Variants in C5orf15 observed in about 807,000 individuals in gnomAD.
C5orf15 encodes the protein keratinocyte-associated transmembrane protein 2.
C5orf15 carries 10 observed loss-of-function variants against 17.8 expected under a neutral mutation model. That is an observed-to-expected ratio of 0.56 (90% CI 0.35 to 0.95). The LOEUF (loss-of-function observed/expected upper bound fraction) is 0.95, where lower values mean the gene tolerates loss of function less well. C5orf15 is among the 40% of genes least tolerant of loss of function. The pLI is 0.02. For synonymous variants in C5orf15, 124 were observed against 131.0 expected, an observed-to-expected ratio of 0.95 and a Z score of 0.36; for missense variants, 319 against 331.7, an observed-to-expected ratio of 0.96 and a Z score of 0.30.
rs117361331 is a variant in C5orf15, at chr5:133,962,752, C to T, written c.140-2732G>A. On this transcript the variant is annotated intron_variant, in intron 1 of 2. Transcript: ENST00000231512. ...CATGCATTCTACTTGCTGGCAAGACCTCCTATCCTTCCAGTTCATTCCCTG... is the reference window on the plus strand; with the variant it reads ...CATGCATTCTACTTGCTGGCAAGACTTCCTATCCTTCCAGTTCATTCCCTG... Among the ~76,000 whole-genome samples the T allele has an allele frequency of 2.0e-4, 31 of 152,252 alleles. No individual in the cohort carries two copies. The East Asian group carries it at 6.0e-3, about 29-fold the overall frequency.
chr5:133,962,106 T>C (rs567710306), intron 1 of C5orf15, among the ~76,000 whole-genome samples: 1 of 152,190 alleles, frequency 6.6e-6, no homozygotes, highest in South Asian at 2.1e-4. Flanking sequence ...ACAAAAAACA[T>C]GTTTTAAAAT....
chr5:133,967,085 C>T (rs1752203273), intron 1 of C5orf15, among the ~76,000 whole-genome samples: 1 of 152,182 alleles, frequency 6.6e-6, no homozygotes, highest in South Asian at 2.1e-4. Flanking sequence ...AGCATTCCAG[C>T]AGGAAATATA....
At chr5:133,961,558 A>AG (rs1409593007) in intron 1 of C5orf15, among the ~76,000 whole-genome samples, 2 of 151,416 alleles carry the variant, frequency 1.3e-5, no homozygotes, top group African/African-American at 4.8e-5. Context: ...AAAAAAAAAA[A>AG]AAAAACCAAT....
chr5:133,966,762 T>C (rs751175655), intron 1 of C5orf15, among the ~76,000 whole-genome samples: 1 of 152,238 alleles, frequency 6.6e-6, no homozygotes, highest in Non-Finnish European at 1.5e-5. Context: ...CAAGCTACAC[T>C]GTAGTGCAGT....
intron 1 of C5orf15, among the ~76,000 whole-genome samples, chr5:133,962,370 C>T (rs1030762168): frequency 6.6e-6 from 1 of 152,164 alleles, no homozygotes; most frequent in Non-Finnish European, 1.5e-5. Context: ...TAAGTAATAG[C>T]TGTTTTTTCT....
At chr5:133,967,775 T>G (rs1005758474) in intron 1 of C5orf15, among the ~76,000 whole-genome samples, 1 of 152,138 alleles carries the variant, frequency 6.6e-6, no homozygotes, top group Non-Finnish European at 1.5e-5. Flanking sequence ...GCCCCAGTAC[T>G]CTGAATCTTT....
intron 1 of C5orf15, chr5:133,967,604 T>A (rs868609759): frequency 6.6e-6 from 1 of 152,212 alleles, no homozygotes; most frequent in Non-Finnish European, 1.5e-5. Flanking sequence ...GATTTCACCA[T>A]GCAACATTTG....
rs1344888447 is a variant in C5orf15, at chr5:133,959,733, G to C, written c.427C>G (p.Leu143Val). 5.0e-6 allele frequency: 8 copies of C among 1,614,114 alleles called. No homozygotes were observed. The highest frequency in any genetic ancestry group is 6.8e-6 in the Non-Finnish European group (8 of 1,180,006). Residue 143 changes from leucine to valine, a missense_variant, in exon 2 of 3, where the codon CTA becomes GTA. Transcript: ENST00000231512. ...GGTTCTCCATAATCGCCATTGTCTA[G>C]AGTGTCTTTGGCTGTGGATGGAGAA... ...NSSPSTAKDT[L>V]DNGDYGEPDY...
intron 1 of C5orf15, among the ~76,000 whole-genome samples, chr5:133,964,275 A>C (rs557099070): frequency 3.3e-5 from 5 of 152,310 alleles, no homozygotes; most frequent in African/African-American, 1.2e-4. Context: ...ACCTAGGTGA[A>C]TCTTCAGAGA....
Position 133,968,572 on chromosome 5 carries a change from C to T in C5orf15, c.13G>A (p.Val5Ile). 2 of 1,609,278 alleles carry T rather than the reference C, an allele frequency of 1.2e-6. No individual in the cohort carries two copies. Among genetic ancestry groups the T allele is most frequent in the South Asian group, 1.1e-5 (1 of 90,130 alleles). ...GCTGGCCCCCTCATCCTCTTCGGGACGGCAGCGGCCATAACGGACTCGGCT... is the reference window on the plus strand; with the variant it reads ...GCTGGCCCCCTCATCCTCTTCGGGATGGCAGCGGCCATAACGGACTCGGCT... MAAA[V>I]PKRMRGPAQA... Residue 5 changes from valine to isoleucine, a missense_variant, in exon 1 of 3, where the codon GTC (valine) becomes ATC (isoleucine). Coordinates refer to ENST00000231512, the MANE Select transcript of C5orf15 (RefSeq NM_020199.3).
intron 2 of C5orf15, among the ~76,000 whole-genome samples, chr5:133,957,550 G>A (rs1162885764): frequency 1.3e-5 from 2 of 152,146 alleles, no homozygotes; most frequent in African/African-American, 4.8e-5. Flanking sequence ...TCCCTTTGAT[G>A]TTCATAATAG....
chr5:133,961,545 C>CA (rs756460747), intron 1 of C5orf15, among the ~76,000 whole-genome samples: 3,412 of 60,698 alleles, frequency 0.056, 68 homozygotes, highest in African/African-American at 0.083. Flanking sequence ...GACCACATCT[C>CA]AAAAAAAAAA....
rs899638521 is a variant in C5orf15, at chr5:133,965,653, C to T, written c.139+2793G>A. On this transcript the variant is annotated intron_variant, in intron 1 of 2. Coordinates refer to ENST00000231512, the MANE Select transcript of C5orf15 (RefSeq NM_020199.3). ...TTAAAAATAAAGCTTAGGCCGGACA[C>T]GGTGGCTCACGCCTGTAACCCTAGC... Among the ~76,000 whole-genome samples, 3 of 152,214 alleles carry T rather than the reference C, an allele frequency of 2.0e-5. No individual in the cohort carries two copies. In the South Asian group the frequency reaches 6.2e-4, roughly 31 times the overall value.
intron 1 of C5orf15, among the ~76,000 whole-genome samples, chr5:133,964,287 T>G (rs1489072909): frequency 6.6e-6 from 1 of 152,150 alleles, no homozygotes; most frequent in Non-Finnish European, 1.5e-5. Flanking sequence ...CTTCAGAGAA[T>G]TATGCTAAGT....
chr5:133,961,562 A>C (rs1159878221), intron 1 of C5orf15, among the ~76,000 whole-genome samples: 3 of 151,132 alleles, frequency 2.0e-5, no homozygotes, highest in Non-Finnish European at 4.4e-5. Flanking sequence ...AAAAAAAAAA[A>C]ACCAATAAAT....
rs140981608 is a variant in C5orf15, at chr5:133,965,854, G to A, written c.139+2592C>T. Among the ~76,000 whole-genome samples the A allele has an allele frequency of 3.5e-3, 529 of 152,342 alleles. 8 individuals carry two copies. The highest frequency in any genetic ancestry group is 0.012 in the African/African-American group (485 of 41,590). On this transcript the variant is annotated intron_variant, in intron 1 of 2. Coordinates refer to ENST00000231512, the MANE Select transcript of C5orf15 (RefSeq NM_020199.3). ...GTGGGAGGACTGCTTGAGCCCAGGA[G>A]GCGGAAGTTGCAATGGGCCAAGTTT...
chr5:133,956,897 T>A lies in C5orf15; in HGVS notation c.760A>T (p.Met254Leu), dbSNP rs766514661. Reference sequence around the variant, plus strand: ...TCATTGGTAATCTTCAAAGAAGGCATTGCCTCATTAACATTCTGATCTAGG... The same window carrying A: ...TCATTGGTAATCTTCAAAGAAGGCAATGCCTCATTAACATTCTGATCTAGG... ...HRLDQNVNEA[M>L]PSLKITNDYI... Residue 254 changes from methionine (M) to leucine (L), a missense_variant, in exon 3 of 3, where the codon ATG (methionine) becomes TTG (leucine). Around this residue, in one of 3 missense-constraint regions of C5orf15, gnomAD observed 175 missense variants for 192.4 expected, o/e 0.91. Transcript: ENST00000231512. The A allele has an allele frequency of 1.2e-6, 2 of 1,606,134 alleles. No homozygotes were observed. The highest frequency in any genetic ancestry group is 2.1e-4 in the Middle Eastern group (1 of 4,684).
rs1303791020 is a variant in C5orf15, at chr5:133,958,554, G to A, written c.666+940C>T. Among the ~76,000 whole-genome samples the A allele has an allele frequency of 1.2e-4, 13 of 111,882 alleles. No homozygotes were observed. In the Admixed American group the frequency reaches 1.7e-3, roughly 14 times the overall value. The allele number at this position is 111,882 out of a possible 152,430, so 73.4% of individuals were successfully genotyped here. On this transcript the variant is annotated intron_variant, in intron 2 of 2. Transcript: ENST00000231512. ...ATCGCACCACTGCTCTCCAGCCTGG[G>A]AGACAAAGTGAAGCTCTGTCTCAAA...
chr5:133,961,593 C>CT (rs555242447), intron 1 of C5orf15, among the ~76,000 whole-genome samples: 16,997 of 142,064 alleles, frequency 0.12, 1,061 homozygotes, highest in South Asian at 0.16. Context: ...CTCTTTTTCC[C>CT]TTTTTTTTTT....
Sources: allele counts gnomAD v4.1 joint callset (sites outside exome capture counted in the v4.1 genomes callset), GRCh38; gene constraint gnomAD v4.1.1; regional missense constraint gnomAD v4.1.1; transcripts MANE v1.5; gene names NCBI Gene and HGNC (gene_info 2026-07-23, HGNC 2026-07-21).